Variants in CYTH2 observed in about 807,000 individuals in gnomAD.
The protein encoded by CYTH2 is cytohesin-2.
A neutral mutation model predicts 55.4 loss-of-function variants in CYTH2; 24 were observed. The ratio of observed to expected loss-of-function variants is 0.43; its 90% confidence interval spans 0.31 to 0.61. CYTH2 has a LOEUF of 0.61. Ranked by LOEUF, CYTH2 falls within the 20% of genes least tolerant of loss-of-function variation. CYTH2 has a pLI of 0.08. For missense variants in CYTH2, 378 were observed against 533.5 expected (o/e 0.71, Z 2.87); for synonymous variants, 221 against 209.6 (o/e 1.05, Z -0.47).
chr19:48,472,065 A>G (rs1372125387), intron 3 of CYTH2, among the ~76,000 whole-genome samples: 1 of 152,162 alleles, frequency 6.6e-6, no homozygotes, highest in Non-Finnish European at 1.5e-5. Context: ...GAAAAAAGAG[A>G]AAATGTACTG....
chr19:48,473,451 CT>C lies in CYTH2; in HGVS notation c.434+75del, dbSNP rs1971844820. The C allele has an allele frequency of 1.3e-6, 2 of 1,486,542 alleles. 1 individual carries two copies. The highest frequency in any genetic ancestry group is 1.9e-6 in the Non-Finnish European group (2 of 1,066,610). The allele number at this position is 1,486,542 out of a possible 1,614,324, so 92.1% of individuals were successfully genotyped here. On this transcript the variant is annotated intron_variant, in intron 5 of 11. Coordinates refer to ENST00000452733, the MANE Select transcript of CYTH2 (RefSeq NM_004228.7). The stretch of plus-strand genomic sequence containing the variant: ...GCCTTCCTAGTTACAAGTGACAAAC[CT>C]TACTCAAGAAAAAAACAGAAACAAG...
In CYTH2 at chr19:48,480,395, C is replaced by G. The variant is rs182857490; in HGVS notation, c.*1185C>G. The G allele has an allele frequency of 6.6e-6, 1 of 152,332 alleles. No homozygotes were observed. The highest frequency in any genetic ancestry group is 2.4e-5 in the African/African-American group (1 of 41,592). 9.4% of individuals were successfully genotyped at this position (152,332 alleles called of 1,614,324 possible). A position where few individuals can be genotyped will look rare whatever the true frequency, so the allele number is the denominator to read the frequency against. ...CCGCTGTGTTCGCTTTTGAGCTCTC[C>G]GATGGGATGCGGCGCTTCGGAATTT... On this transcript the variant is annotated 3_prime_UTR_variant, in exon 12 of 12. Transcript: ENST00000452733.
intron 4 of CYTH2, 36 bp from the exon 5 acceptor site, chr19:48,473,262 T>G: frequency 3.7e-6 from 6 of 1,611,648 alleles, no homozygotes; most frequent in Non-Finnish European, 3.4e-6. Flanking sequence ...GCCCCATCCT[T>G]TCCAAACTGT....
rs115189209 is a variant in CYTH2 at position 48,475,325 on chromosome 19, C to A, written c.808+376C>A. On this transcript the variant is annotated intron_variant, in intron 8 of 11. Coordinates refer to ENST00000452733, the MANE Select transcript of CYTH2 (RefSeq NM_004228.7). ...CCCGAGGGAGCCAAACCCCTGGAAT[C>A]TATTCCCCTTGGCAAGAACTCCCAG... is the stretch of plus-strand genomic sequence containing the variant. 9.6e-3 allele frequency: 1,908 copies of A among 198,604 alleles called. 38 individuals are homozygous for A. The highest frequency in any genetic ancestry group is 0.043 in the African/African-American group (1,827 of 42,440). 12.3% of individuals were successfully genotyped at this position (198,604 alleles called of 1,614,324 possible). A position where few individuals can be genotyped will look rare whatever the true frequency, so the allele number is the denominator to read the frequency against.
At position 48,473,890 on chromosome 19, in the gene CYTH2, C is replaced by T. The variant is rs1440533668; in HGVS notation, c.435-15C>T. 1 of 1,586,992 alleles carries T rather than the reference C, an allele frequency of 6.3e-7. No individual in the cohort carries two copies. The highest frequency in any genetic ancestry group is 1.3e-5 in the African/African-American group (1 of 74,090). ...ACCAGCCCTGGCATCCATTCCTGGCCCCTCCCCAACCCAGGCAGTTTCTAT... is the reference window on the plus strand; with the variant it reads ...ACCAGCCCTGGCATCCATTCCTGGCTCCTCCCCAACCCAGGCAGTTTCTAT... On this transcript the variant is annotated splice_polypyrimidine_tract_variant and intron_variant, in intron 5 of 11. Coordinates refer to ENST00000452733, the MANE Select transcript of CYTH2 (RefSeq NM_004228.7).
chr19:48,476,398 C>T (rs1971913152), intron 8 of CYTH2: 1 of 166,812 alleles, frequency 6.0e-6, no homozygotes, highest in African/African-American at 2.6e-5. Flanking sequence ...GAGCGAGACC[C>T]CGTCTCTATA....
chr19:48,469,699 C>T (rs2147500742), intron 1 of CYTH2, 173 bp downstream of exon 1: 2 of 1,057,862 alleles, frequency 1.9e-6, no homozygotes, highest in East Asian at 2.9e-5. Context: ...GGCCCGAAAG[C>T]CGGGCGTTCC....
At position 48,481,579 on chromosome 19, in the gene CYTH2, C is replaced by T. The variant is rs1972045415; in HGVS notation, c.*2369C>T. The T allele has an allele frequency of 6.2e-6, 1 of 160,264 alleles. No individual in the cohort carries two copies. Among genetic ancestry groups the T allele is most frequent in the Non-Finnish European group, 1.4e-5 (1 of 73,004 alleles). 9.9% of individuals were successfully genotyped at this position (160,264 alleles called of 1,614,324 possible). A position where few individuals can be genotyped will look rare whatever the true frequency, so the allele number is the denominator to read the frequency against. ...CTAGACTGGAGTGCAATGGCGCCAT[C>T]TCGGCTTACTGCAACCTCCACCTCC... On this transcript the variant is annotated 3_prime_UTR_variant, in exon 12 of 12. Transcript: ENST00000452733.
chr19:48,469,500 T>C lies in CYTH2; in HGVS notation c.-8T>C. On this transcript the variant is annotated 5_prime_UTR_variant, in exon 1 of 12. Transcript: ENST00000452733. ...GCCCCGGATTCCCCGCGGGCCTTCC[T>C]AGCCGCCATGGAGGACGGCGTCTAT... 1 of 1,330,454 alleles carries C rather than the reference T, an allele frequency of 7.5e-7. No individual in the cohort carries two copies. The highest frequency in any genetic ancestry group is 9.7e-7 in the Non-Finnish European group (1 of 1,032,252). The allele number at this position is 1,330,454 out of a possible 1,614,324, so 82.4% of individuals were successfully genotyped here. A position where few individuals can be genotyped will look rare whatever the true frequency, so the allele number is the denominator to read the frequency against.
intron 1 of CYTH2, chr19:48,469,874 TG>T (rs1971751826): frequency 8.9e-6 from 3 of 335,424 alleles, no homozygotes; most frequent in Admixed American, 3.7e-5. Flanking sequence ...GGAGAAATCT[TG>T]GGGGGCGGGG....
chr19:48,479,148 T>C lies in CYTH2; in HGVS notation c.1138T>C (p.Tyr380His). 1 of 1,614,044 alleles carries C rather than the reference T, an allele frequency of 6.2e-7. No individual in the cohort carries two copies. The highest frequency in any genetic ancestry group is 8.5e-7 in the Non-Finnish European group (1 of 1,179,978). ...IQAAVSVDPF[Y>H]EMLAARKKRI... Reference sequence around the variant, plus strand: ...GGCGGCTGTGAGTGTGGACCCCTTCTATGAGATGCTGGCAGCGAGAAAGAA... The same window carrying C: ...GGCGGCTGTGAGTGTGGACCCCTTCCATGAGATGCTGGCAGCGAGAAAGAA... Residue 380 changes from tyrosine (Y) to histidine (H), a missense_variant, in exon 12 of 12, where the codon TAT becomes CAT. Physicochemically the swap from Tyr to His is moderately conservative, Grantham distance 83. Coordinates refer to ENST00000452733, the MANE Select transcript of CYTH2 (RefSeq NM_004228.7).
Position 48,469,535 on chromosome 19 carries a change from G to C in CYTH2, c.19+9G>C. The C allele has an allele frequency of 7.5e-7, 1 of 1,327,644 alleles. No individual in the cohort carries two copies. 82.2% of individuals were successfully genotyped at this position (1,327,644 alleles called of 1,614,324 possible). A position where few individuals can be genotyped will look rare whatever the true frequency, so the allele number is the denominator to read the frequency against. On this transcript the variant is annotated intron_variant, in intron 1 of 11. Coordinates refer to ENST00000452733, the MANE Select transcript of CYTH2 (RefSeq NM_004228.7). ...GGAGGACGGCGTCTATGGTAGGTCG[G>C]GGAGGGGCGGGGTCGGCTGGGAGTT... is the stretch of plus-strand genomic sequence containing the variant.
In CYTH2 at chr19:48,479,318, A is replaced by G; in HGVS notation, c.*108A>G. Reference sequence around the variant, plus strand: ...TGGTTCCCTGTTTGGAAAATTCACCACCTCTAGCTCCTCACTGTTCTTTGT... The same window carrying G: ...TGGTTCCCTGTTTGGAAAATTCACCGCCTCTAGCTCCTCACTGTTCTTTGT... On this transcript the variant is annotated 3_prime_UTR_variant, in exon 12 of 12. Transcript: ENST00000452733. 9.7e-7 allele frequency: 1 copy of G among 1,034,462 alleles called. No individual in the cohort carries two copies. Among genetic ancestry groups the G allele is most frequent in the East Asian group, 2.5e-5 (1 of 40,524 alleles). 64.1% of individuals were successfully genotyped at this position (1,034,462 alleles called of 1,614,324 possible). A position where few individuals can be genotyped will look rare whatever the true frequency, so the allele number is the denominator to read the frequency against.
chr19:48,481,500 TTTG>T lies in CYTH2; in HGVS notation c.*2293_*2295del. The stretch of plus-strand genomic sequence containing the variant: ...CTGATTTTTTTTGTAGGTTTTTTTT[TTTG>T]TTTTTTGTTTTGTTTTGTTTTGTTT... On this transcript the variant is annotated 3_prime_UTR_variant, in exon 12 of 12. Transcript: ENST00000452733. 1 of 185,440 alleles carries T rather than the reference TTTG, an allele frequency of 5.4e-6. No homozygotes were observed. The highest frequency in any genetic ancestry group is 8.6e-5 in the South Asian group (1 of 11,568). 11.5% of individuals were successfully genotyped at this position (185,440 alleles called of 1,614,324 possible).
In CYTH2 at chr19:48,481,512, TTTG is replaced by T. The variant is rs1425040482; in HGVS notation, c.*2305_*2307del. 15 of 188,702 alleles carry T rather than the reference TTTG, an allele frequency of 7.9e-5. No homozygotes were observed. In the East Asian group the frequency reaches 1.3e-3, roughly 16 times the overall value. The allele number at this position is 188,702 out of a possible 1,614,324, so 11.7% of individuals were successfully genotyped here. A position where few individuals can be genotyped will look rare whatever the true frequency, so the allele number is the denominator to read the frequency against. Reference sequence around the variant, plus strand: ...GTAGGTTTTTTTTTTTGTTTTTTGTTTTGTTTTGTTTTGTTTTTGAGAGGGAGT... The same window carrying T: ...GTAGGTTTTTTTTTTTGTTTTTTGTTTTTTGTTTTGTTTTTGAGAGGGAGT... On this transcript the variant is annotated 3_prime_UTR_variant, in exon 12 of 12. Transcript: ENST00000452733.
chr19:48,472,501 C>T, intron 4 of CYTH2, 58 bp downstream of exon 4: 2 of 1,378,828 alleles, frequency 1.5e-6, no homozygotes, highest in East Asian at 5.0e-5. Flanking sequence ...AGACCCAGCT[C>T]CTGCCCTCAC....
In CYTH2 at chr19:48,470,637, G is replaced by A. The variant is rs1392230758; in HGVS notation, c.202G>A (p.Gly68Ser). 2 of 1,614,104 alleles carry A rather than the reference G, an allele frequency of 1.2e-6. No individual in the cohort carries two copies. Among genetic ancestry groups the A allele is most frequent in the East Asian group, 4.5e-5 (2 of 44,894 alleles). ...GCAACGGAACCGGAAGATGGCAATG[G>A]GCAGGAAGAAGTTCAACATGGACCC... ...TLQRNRKMAM[G>S]RKKFNMDPKK... Residue 68 changes from glycine to serine, a missense_variant, in exon 3 of 12, where the codon GGC (glycine) becomes AGC (serine). Physicochemically the swap from Gly to Ser is moderately conservative, Grantham distance 56. Coordinates refer to ENST00000452733, the MANE Select transcript of CYTH2 (RefSeq NM_004228.7).
At position 48,479,431 on chromosome 19, in the gene CYTH2, G is replaced by T; in HGVS notation, c.*221G>T. ...TTCTTGGGGTTGACAGAGTCGAGGT[G>T]CTCCGTGGAGCCAGCCTGTTTCCCT... On this transcript the variant is annotated 3_prime_UTR_variant, in exon 12 of 12. Transcript: ENST00000452733. The T allele has an allele frequency of 1.9e-6, 1 of 531,554 alleles. No homozygotes were observed. The highest frequency in any genetic ancestry group is 3.4e-6 in the Non-Finnish European group (1 of 297,482). The allele number at this position is 531,554 out of a possible 1,614,324, so 32.9% of individuals were successfully genotyped here.
At chr19:48,470,813 T>C (rs1235854415) in intron 3 of CYTH2, 144 bp downstream of exon 3, 7 of 846,282 alleles carry the variant, frequency 8.3e-6, no homozygotes, top group Non-Finnish European at 1.3e-5. Flanking sequence ...AGATACTGGC[T>C]GTCCATTTGT....
Sources: allele counts gnomAD v4.1 joint callset (sites outside exome capture counted in the v4.1 genomes callset), GRCh38; gene constraint gnomAD v4.1.1; transcripts MANE v1.5; gene names NCBI Gene and HGNC (gene_info 2026-07-23, HGNC 2026-07-21).